The following PLXDC2 variants were observed in gnomAD, a reference collection of about 807,000 sequenced individuals.
PLXDC2 encodes the protein plexin domain-containing protein 2.
In PLXDC2, 40 loss-of-function variants were observed where a neutral mutation model predicts 68.9. The ratio of observed to expected loss-of-function variants is 0.58; its 90% confidence interval spans 0.45 to 0.76. The LOEUF is 0.76. Ranked by LOEUF, PLXDC2 falls within the 30% of genes least tolerant of loss-of-function variation. PLXDC2 has a pLI of 0.00. For synonymous variants in PLXDC2, 243 were observed against 234.2 expected (o/e 1.04, Z -0.34); for missense variants, 644 against 661.9 (o/e 0.97, Z 0.30).
At chr10:20,025,909 A>T (rs984747343) in intron 2 of PLXDC2, among the ~76,000 whole-genome samples, 1 of 149,164 alleles carries the variant, frequency 6.7e-6, no homozygotes, top group Non-Finnish European at 1.5e-5. Flanking sequence ...TAAATTTATT[A>T]TATTGCTGAC....
chr10:20,146,522 C>CCTTCCTTCCTTCCTTCCTTCCTT (rs34536505), intron 5 of PLXDC2, among the ~76,000 whole-genome samples: 5 of 13,538 alleles, frequency 3.7e-4, no homozygotes, highest in African/African-American at 7.8e-4. Context: ...CTTCCTTCCT[C>CCTTCCTTCCTTCCTTCCTTCCTT]CCTCCCTCCC....
At chr10:20,041,160 A>C (rs1007239018) in intron 2 of PLXDC2, among the ~76,000 whole-genome samples, 1 of 152,166 alleles carries the variant, frequency 6.6e-6, no homozygotes, top group Admixed American at 6.5e-5. Flanking sequence ...TTTTTATTAG[A>C]GGTACATTGA....
At chr10:19,852,687 G>A (rs1170336450) in intron 1 of PLXDC2, among the ~76,000 whole-genome samples, 1 of 151,994 alleles carries the variant, frequency 6.6e-6, no homozygotes, top group Non-Finnish European at 1.5e-5. Flanking sequence ...CACATATTCA[G>A]CCAAATGGAT....
chr10:20,047,650 A>G (rs1229766090), intron 3 of PLXDC2, among the ~76,000 whole-genome samples: 2 of 152,148 alleles, frequency 1.3e-5, no homozygotes, highest in African/African-American at 2.4e-5. Context: ...GAATATTAAT[A>G]CCAGCCTCCC....
chr10:19,839,344 A>G (rs966938739), intron 1 of PLXDC2, among the ~76,000 whole-genome samples: 5 of 152,192 alleles, frequency 3.3e-5, no homozygotes, highest in African/African-American at 1.2e-4. Context: ...AAACATTCTT[A>G]AAACATTATG....
At chr10:20,095,178 A>G (rs945762459) in intron 4 of PLXDC2, among the ~76,000 whole-genome samples, 1 of 152,174 alleles carries the variant, frequency 6.6e-6, no homozygotes, top group Non-Finnish European at 1.5e-5. Context: ...TAATGGTATA[A>G]GTTTTTTGTT....
rs1588559645 is a variant in PLXDC2, at chr10:20,280,782, C to T, written c.*963C>T. 1 of 152,050 alleles carries T rather than the reference C, an allele frequency of 6.6e-6. No individual in the cohort carries two copies. 9.4% of individuals were successfully genotyped at this position (152,050 alleles called of 1,614,324 possible). On this transcript the variant is annotated 3_prime_UTR_variant, in exon 14 of 14. Coordinates refer to ENST00000377252, the MANE Select transcript of PLXDC2 (RefSeq NM_032812.9). ...TTTTTAATTTTATGCCTTTTCAGTA[C>T]TAAACACCCATTTCATTGCTGATTC...
chr10:20,270,769 G>A (rs1420588936), intron 13 of PLXDC2, among the ~76,000 whole-genome samples: 3 of 151,888 alleles, frequency 2.0e-5, no homozygotes, highest in Admixed American at 6.6e-5. Context: ...TAATCTGCCT[G>A]CCTCAGCCTC....
intron 13 of PLXDC2, among the ~76,000 whole-genome samples, chr10:20,260,497 G>A (rs1464955583): frequency 6.6e-6 from 1 of 152,162 alleles, no homozygotes; most frequent in Non-Finnish European, 1.5e-5. Context: ...TGTTCTCCAG[G>A]TTCATCTACG....
At chr10:19,837,727 G>T (rs1836826090) in intron 1 of PLXDC2, among the ~76,000 whole-genome samples, 1 of 152,160 alleles carries the variant, frequency 6.6e-6, no homozygotes, top group Admixed American at 6.5e-5. Context: ...GCATCAGTCT[G>T]CAGTGATCGT....
In PLXDC2 at chr10:19,944,877, G is replaced by A. The variant is rs192248124; in HGVS notation, c.113-56898G>A. Among the ~76,000 whole-genome samples, 144 of 152,282 alleles carry A rather than the reference G, an allele frequency of 9.5e-4. 1 individual carries two copies. The highest frequency in any genetic ancestry group is 3.0e-3 in the African/African-American group (123 of 41,556). Reference sequence around the variant, plus strand: ...TGAGGCAGGAGAAGTGTTTGAACCCGGAAGGCGGAGGTTGCAGTGAGCTGA... The same window carrying A: ...TGAGGCAGGAGAAGTGTTTGAACCCAGAAGGCGGAGGTTGCAGTGAGCTGA... On this transcript the variant is annotated intron_variant, in intron 1 of 13. Coordinates refer to ENST00000377252, the MANE Select transcript of PLXDC2 (RefSeq NM_032812.9).
chr10:20,195,021 A>G (rs1022916067), intron 9 of PLXDC2, among the ~76,000 whole-genome samples: 3 of 152,066 alleles, frequency 2.0e-5, no homozygotes, highest in Non-Finnish European at 4.4e-5. Flanking sequence ...ATTACATTAT[A>G]AAAGATAATC....
intron 1 of PLXDC2, among the ~76,000 whole-genome samples, chr10:19,904,883 A>G (rs1341615195): frequency 9.9e-5 from 15 of 152,212 alleles, no homozygotes; most frequent in Admixed American, 9.8e-4. Context: ...TTTGAAAGCT[A>G]TAAACTACTA....
intron 4 of PLXDC2, among the ~76,000 whole-genome samples, chr10:20,106,152 C>A (rs1286273689): frequency 2.0e-5 from 3 of 152,150 alleles, no homozygotes; most frequent in Admixed American, 6.5e-5. Context: ...GGAGGAACTT[C>A]CTTGTGTTTT....
At chr10:20,194,682 A>C (rs1417681017) in intron 9 of PLXDC2, among the ~76,000 whole-genome samples, 5 of 151,866 alleles carry the variant, frequency 3.3e-5, no homozygotes, top group African/African-American at 1.2e-4. Flanking sequence ...CATGTGCACA[A>C]CGTGCAGGTT....
intron 4 of PLXDC2, among the ~76,000 whole-genome samples, chr10:20,122,882 A>G (rs946449182): frequency 9.2e-5 from 14 of 152,104 alleles, no homozygotes; most frequent in African/African-American, 3.1e-4. Flanking sequence ...TGAGAATAAG[A>G]CGGCCTTTTG....
In PLXDC2 at chr10:20,176,994, T is replaced by C. The variant is rs200998843; in HGVS notation, c.884-5T>C. 4 of 1,581,630 alleles carry C rather than the reference T, an allele frequency of 2.5e-6. No individual in the cohort carries two copies. In the African/African-American group the frequency reaches 4.1e-5, roughly 16 times the overall value. On this transcript the variant is annotated splice_polypyrimidine_tract_variant and splice_region_variant and intron_variant, in intron 7 of 13. Transcript: ENST00000377252. ...AAAATTGATTTTTTTTCCTTTTTTT[T>C]CTAGATGTTCGAAGAAGAACAATTT...
chr10:20,078,119 T>A (rs569566929), intron 4 of PLXDC2, among the ~76,000 whole-genome samples: 1 of 152,236 alleles, frequency 6.6e-6, no homozygotes, highest in Non-Finnish European at 1.5e-5. Flanking sequence ...TTAAAGATTA[T>A]CTTGCAGAAA....
intron 13 of PLXDC2, among the ~76,000 whole-genome samples, chr10:20,251,872 AT>A (rs1286460119): frequency 6.6e-5 from 10 of 152,140 alleles, no homozygotes; most frequent in Non-Finnish European, 1.0e-4. Flanking sequence ...ATGAAGAGAA[AT>A]TGATAAGAAC....
Sources: allele counts gnomAD v4.1 joint callset (sites outside exome capture counted in the v4.1 genomes callset), GRCh38; gene constraint gnomAD v4.1.1; transcripts MANE v1.5; gene names NCBI Gene and HGNC (gene_info 2026-07-23, HGNC 2026-07-21).